The following ANKRD55 variants were observed in gnomAD, a reference collection of about 807,000 sequenced individuals.
ANKRD55 encodes ankyrin repeat domain-containing protein 55.
Under a neutral mutation model 60.6 loss-of-function variants are expected in ANKRD55, and 41 were observed. The observed-to-expected ratio is 0.68, with a 90% confidence interval of 0.53 to 0.88. The LOEUF is 0.88. Ranked by LOEUF, ANKRD55 falls within the 40% of genes least tolerant of loss-of-function variation. The pLI is 0.00. For missense variants in ANKRD55, 732 were observed against 767.6 expected (o/e 0.95, Z 0.55); for synonymous variants, 264 against 290.3 (o/e 0.91, Z 0.92).
intron 7 of ANKRD55, among the ~76,000 whole-genome samples, chr5:56,142,385 C>T (rs1178539464): frequency 1.3e-5 from 2 of 152,108 alleles, no homozygotes; most frequent in Non-Finnish European, 2.9e-5. Context: ...CGATTCCACC[C>T]TGTGAGGGCC....
rs530483469 is a variant in ANKRD55, at chr5:56,166,321, G to A, written c.422+4373C>T. On this transcript the variant is annotated intron_variant, in intron 5 of 11. Transcript: ENST00000341048. ...CGCCCAGGTTGGATTACAGTGGCAC[G>A]ATCATAGCTCACCGCAGCCTCGAAC... Among the ~76,000 whole-genome samples the A allele has an allele frequency of 7.3e-5, 11 of 150,272 alleles. No homozygotes were observed. The South Asian group carries it at 1.9e-3, about 26-fold the overall frequency.
At chr5:56,114,753 A>C (rs979832863) in intron 9 of ANKRD55, among the ~76,000 whole-genome samples, 1 of 152,240 alleles carries the variant, frequency 6.6e-6, no homozygotes, top group Non-Finnish European at 1.5e-5. Flanking sequence ...AACCTTTAAG[A>C]AACTGCTGCT....
intron 8 of ANKRD55, among the ~76,000 whole-genome samples, chr5:56,121,053 C>T (rs1757033348): frequency 1.3e-5 from 2 of 152,260 alleles, no homozygotes; most frequent in Admixed American, 1.3e-4. Flanking sequence ...GGACCACAGG[C>T]AGGCCAAGAT....
chr5:56,229,797 G>A (rs576148603), intron 2 of ANKRD55, among the ~76,000 whole-genome samples: 173 of 152,354 alleles, frequency 1.1e-3, no homozygotes, highest in African/African-American at 4.1e-3. Flanking sequence ...GATTGGCCAT[G>A]TGCAGGAAGC....
chr5:56,182,945 T>C (rs1051187796), intron 3 of ANKRD55, among the ~76,000 whole-genome samples: 9 of 152,200 alleles, frequency 5.9e-5, no homozygotes, highest in African/African-American at 2.2e-4. Flanking sequence ...GCTTTTGTTG[T>C]TTTTCTTGCT....
intron 2 of ANKRD55, among the ~76,000 whole-genome samples, chr5:56,211,168 C>A (rs1014532594): frequency 1.1e-4 from 16 of 152,154 alleles, no homozygotes; most frequent in African/African-American, 3.6e-4. Flanking sequence ...TTAAAAGACT[C>A]AGAATAACCC....
At chr5:56,191,807 A>G (rs959825525) in intron 2 of ANKRD55, among the ~76,000 whole-genome samples, 5 of 152,250 alleles carry the variant, frequency 3.3e-5, no homozygotes, top group Admixed American at 2.0e-4. Flanking sequence ...AAACCACAGC[A>G]CAACAAGGAA....
At chr5:56,230,768 A>G (rs1760233707) in intron 2 of ANKRD55, among the ~76,000 whole-genome samples, 1 of 152,176 alleles carries the variant, frequency 6.6e-6, no homozygotes, top group South Asian at 2.1e-4. Context: ...GAAAAAAATA[A>G]TTAATGTAAT....
Position 56,218,876 on chromosome 5 carries a change from C to T in ANKRD55, c.58+13980G>A, listed in dbSNP as rs6879950. ...CAGAAAGAGCAAATGATAAAGCAAA[C>T]GGGGCAAAATGTTAACGTTAGATGA... On this transcript the variant is annotated intron_variant, in intron 2 of 11. Transcript: ENST00000341048. Among the ~76,000 whole-genome samples the T allele has an allele frequency of 6.9e-3, 1,048 of 152,000 alleles. 5 individuals are homozygous for T. The highest frequency in any genetic ancestry group is 0.025 in the African/African-American group (1,018 of 41,458).
At chr5:56,168,434 C>T (rs758255569) in intron 5 of ANKRD55, among the ~76,000 whole-genome samples, 3 of 152,166 alleles carry the variant, frequency 2.0e-5, no homozygotes, top group Non-Finnish European at 2.9e-5. Context: ...CAGCTGTCCC[C>T]GTATCGCAGC....
At chr5:56,191,057 C>T (rs146609404) in intron 2 of ANKRD55, among the ~76,000 whole-genome samples, 1 of 152,168 alleles carries the variant, frequency 6.6e-6, no homozygotes, top group Non-Finnish European at 1.5e-5. Context: ...CAGTTCTATT[C>T]TACTGATCTA....
chr5:56,199,034 C>T (rs1278994514), intron 2 of ANKRD55, among the ~76,000 whole-genome samples: 3 of 151,950 alleles, frequency 2.0e-5, no homozygotes, highest in Admixed American at 6.5e-5. Context: ...GAGCCGAGAT[C>T]GCGCCACTGC....
Position 56,119,904 on chromosome 5 carries a change from C to T in ANKRD55, c.798-3122G>A, listed in dbSNP as rs1030902732. 2.7e-4 allele frequency among the ~76,000 whole-genome samples: 41 copies of T among 152,100 alleles called. No homozygotes were observed. The Middle Eastern group carries it at 0.01, about 38-fold the overall frequency. ...CCACACTCCAGCCTGGGCAATGGAGCGAGACCCTGTCTCAAAAAACAAAAA... is the reference window on the plus strand; with the variant it reads ...CCACACTCCAGCCTGGGCAATGGAGTGAGACCCTGTCTCAAAAAACAAAAA... On this transcript the variant is annotated intron_variant, in intron 8 of 11. Coordinates refer to ENST00000341048, the MANE Select transcript of ANKRD55 (RefSeq NM_024669.3).
chr5:56,232,921 C>T lies in ANKRD55; in HGVS notation c.-8G>A. On this transcript the variant is annotated 5_prime_UTR_variant, in exon 2 of 12. Transcript: ENST00000341048. ...GGTAGCCTGTCTCATCATTTACCAT[C>T]AGAATGGCAAAAAGCATCCAGGTCT... 6.2e-7 allele frequency: 1 copy of T among 1,613,934 alleles called. No homozygotes were observed. The highest frequency in any genetic ancestry group is 1.3e-5 in the African/African-American group (1 of 75,020).
At chr5:56,163,932 A>T (rs910552761) in intron 5 of ANKRD55, among the ~76,000 whole-genome samples, 5 of 152,092 alleles carry the variant, frequency 3.3e-5, no homozygotes, top group Non-Finnish European at 5.9e-5. Context: ...TCTGTAATAG[A>T]AATAGAAAAA....
Position 56,183,603 on chromosome 5 carries a change from C to G in ANKRD55, c.90G>C (p.Met30Ile). ...CTCCATTAGAGGCTGCTTGATAAAC[C>G]ATGGTCAGGTCAACTTCCTCAGATG... ...GDSSEEVDLT[M>I]VYQAASNGDV... Residue 30 changes from methionine to isoleucine, a missense_variant, in exon 3 of 12, where the codon ATG becomes ATC. This residue lies in a region of ANKRD55 where 131 missense variants were observed against 142.7 expected (regional missense o/e 0.92). Transcript: ENST00000341048. 1 of 1,614,170 alleles carries G rather than the reference C, an allele frequency of 6.2e-7. No individual in the cohort carries two copies. Among genetic ancestry groups the G allele is most frequent in the Non-Finnish European group, 8.5e-7 (1 of 1,180,022 alleles).
chr5:56,178,139 A>C (rs1758776305), intron 3 of ANKRD55, among the ~76,000 whole-genome samples: 2 of 152,136 alleles, frequency 1.3e-5, no homozygotes, highest in Admixed American at 1.3e-4. Context: ...GGAAGATATT[A>C]AACAGCAATT....
At chr5:56,118,089 G>A (rs1030854042) in intron 8 of ANKRD55, among the ~76,000 whole-genome samples, 1 of 151,952 alleles carries the variant, frequency 6.6e-6, no homozygotes, top group African/African-American at 2.4e-5. Context: ...GTTGCAGTGA[G>A]CCGAGATCAT....
intron 2 of ANKRD55, among the ~76,000 whole-genome samples, chr5:56,214,515 A>T (rs1435637586): frequency 6.6e-6 from 1 of 152,196 alleles, no homozygotes; most frequent in African/African-American, 2.4e-5. Flanking sequence ...TTGTAGTATA[A>T]TCATCTTAAC....
Sources: gnomAD v4.1 joint callset for allele counts (sites outside exome capture counted in the v4.1 genomes callset) on GRCh38, gnomAD v4.1.1 for gene constraint, gnomAD v4.1.1 regional missense constraint, MANE v1.5 for transcripts, NCBI Gene and HGNC (gene_info 2026-07-23, HGNC 2026-07-21) for gene names.